The following PSMD1 variants were observed in gnomAD, a reference collection of about 807,000 sequenced individuals.
PSMD1 encodes the protein proteasome 26S subunit, non-ATPase 1.
In PSMD1, 18 loss-of-function variants were observed where a neutral mutation model predicts 119.0. That is an observed-to-expected ratio of 0.15 (90% CI 0.10 to 0.22). The LOEUF (loss-of-function observed/expected upper bound fraction) is 0.22, where lower values mean the gene tolerates loss of function less well. Among genes scored for constraint, PSMD1 ranks in the 10% least tolerant of loss-of-function variants. PSMD1 has a pLI of 1.00. For synonymous variants in PSMD1, 374 were observed against 396.6 expected (o/e 0.94, Z 0.68); for missense variants, 702 against 1,158.5 (o/e 0.61, Z 5.72).
At position 231,079,749 on chromosome 2, in the gene PSMD1, G is replaced by C. The variant is rs535478530; in HGVS notation, c.1239+135G>C. On this transcript the variant is annotated intron_variant, in intron 11 of 24. Transcript: ENST00000308696. The stretch of plus-strand genomic sequence containing the variant: ...TCAGATAAGTCATTTTGTGGAGAAG[G>C]CTAAAGTAAATAAGATACTGAAGTA... The C allele has an allele frequency of 1.6e-5, 9 of 561,332 alleles. No individual in the cohort carries two copies. The African/African-American group carries it at 1.7e-4, about 11-fold the overall frequency. The allele number at this position is 561,332 out of a possible 1,614,324, so 34.8% of individuals were successfully genotyped here.
At chr2:231,076,839 G>A (rs1392020228) in intron 8 of PSMD1, among the ~76,000 whole-genome samples, 195 bp from the exon 9 acceptor site, 1 of 152,090 alleles carries the variant, frequency 6.6e-6, no homozygotes, top group African/African-American at 2.4e-5. Flanking sequence ...TCGAAAGCTA[G>A]CTGGGGATGA....
rs149770108 is a variant in PSMD1, at chr2:231,131,851, A to G, written c.1884-6885A>G. On this transcript the variant is annotated intron_variant, in intron 16 of 24. Coordinates refer to ENST00000308696, the MANE Select transcript of PSMD1 (RefSeq NM_002807.4). Reference sequence around the variant, plus strand: ...ATTGAAATAAACATATAAGAATATTATGGTTTTACTGTACTCTTGAAAAGA... The same window carrying G: ...ATTGAAATAAACATATAAGAATATTGTGGTTTTACTGTACTCTTGAAAAGA... Among the ~76,000 whole-genome samples, 604 of 151,648 alleles carry G rather than the reference A, an allele frequency of 4.0e-3. 8 individuals are homozygous for G. The highest frequency in any genetic ancestry group is 0.014 in the African/African-American group (576 of 41,494).
rs537464266 is a variant in PSMD1 at position 231,127,727 on chromosome 2, A to T, written c.1884-11009A>T. 1.2e-4 allele frequency among the ~76,000 whole-genome samples: 19 copies of T among 152,348 alleles called. No individual in the cohort carries two copies. The East Asian group carries it at 3.7e-3, about 29-fold the overall frequency. On this transcript the variant is annotated intron_variant, in intron 16 of 24. Transcript: ENST00000308696. ...ACTTCTGTGTACTTAAGAAAAGGCT[A>T]GATCATGTTCATTCAGCAAATAAAT...
intron 17 of PSMD1, among the ~76,000 whole-genome samples, chr2:231,145,894 CAAAAAAAAAAAAA>C (rs36124651): frequency 7.1e-4 from 33 of 46,542 alleles, no homozygotes; most frequent in South Asian, 1.2e-3. Context: ...AGCTACATCT[CAAAAAAAAAAAAA>C]AAAAAAAAAA....
intron 12 of PSMD1, among the ~76,000 whole-genome samples, chr2:231,080,542 C>T (rs1330263942): frequency 1.3e-5 from 2 of 151,910 alleles, no homozygotes; most frequent in African/African-American, 4.8e-5. Flanking sequence ...GTTGTTTTCC[C>T]ACACTTTCAT....
chr2:231,083,510 G>A (rs1173780923), intron 13 of PSMD1, 57 bp from the exon 14 acceptor site: 2 of 1,573,038 alleles, frequency 1.3e-6, no homozygotes, highest in Non-Finnish European at 1.7e-6. Flanking sequence ...TCAGTTGGAT[G>A]TTTTACTGAC....
intron 17 of PSMD1, among the ~76,000 whole-genome samples, chr2:231,140,762 C>G (rs565685463): frequency 2.0e-5 from 3 of 151,670 alleles, no homozygotes; most frequent in African/African-American, 7.3e-5. Context: ...CCTGTAATGC[C>G]AGCTACTCAG....
In PSMD1 at chr2:231,072,314, T is replaced by G; in HGVS notation, c.780T>G (p.Phe260Leu). Residue 260 changes from phenylalanine to leucine, a missense_variant, in exon 7 of 25, where the codon TTT becomes TTG. Coordinates refer to ENST00000308696, the MANE Select transcript of PSMD1 (RefSeq NM_002807.4). The stretch of plus-strand genomic sequence containing the variant: ...TGTATGAAAGTGCTAGCCAGCAGTT[T>G]TTGTCATCTGTAATCCAGAATCTTC... ...FDLYESASQQ[F>L]LSSVIQNLRT... 6.2e-7 allele frequency: 1 copy of G among 1,614,070 alleles called. No homozygotes were observed. Among genetic ancestry groups the G allele is most frequent in the South Asian group, 1.1e-5 (1 of 91,080 alleles).
intron 20 of PSMD1, chr2:231,163,399 G>A (rs575702877): frequency 4.7e-6 from 2 of 423,306 alleles, no homozygotes; most frequent in East Asian, 7.3e-5. Context: ...TGTTCATAAA[G>A]ATAAAGGGAT....
At chr2:231,161,667 G>A (rs1268137040) in intron 20 of PSMD1, among the ~76,000 whole-genome samples, 158 bp downstream of exon 20, 2 of 152,162 alleles carry the variant, frequency 1.3e-5, no homozygotes. Flanking sequence ...TTTTTGAATG[G>A]AGTGTGTCAT....
chr2:231,172,458 T>C (rs969637981), intron 24 of PSMD1, 77 bp from the exon 25 acceptor site: 1 of 152,138 alleles, frequency 6.6e-6, no homozygotes, highest in Admixed American at 6.5e-5. Context: ...CAACAGTTAA[T>C]AGTAAAGAGG....
intron 16 of PSMD1, among the ~76,000 whole-genome samples, chr2:231,122,054 A>G (rs141302187): frequency 3.4e-3 from 516 of 152,272 alleles, no homozygotes; most frequent in Non-Finnish European, 5.4e-3. Context: ...GTTCTCTATT[A>G]TAGTAAGATT....
At chr2:231,108,801 G>T (rs77982984) in intron 16 of PSMD1, 6 of 1,614,104 alleles carry the variant, frequency 3.7e-6, no homozygotes, top group East Asian at 2.2e-5. Context: ...AATGCATCCC[G>T]AAATGTCTTA....
chr2:231,110,615 A>G (rs1695126038), intron 16 of PSMD1, among the ~76,000 whole-genome samples: 1 of 152,224 alleles, frequency 6.6e-6, no homozygotes, highest in Non-Finnish European at 1.5e-5. Context: ...TGACAAGAAT[A>G]TGTTCCTCAA....
At chr2:231,113,021 C>T (rs1695207821) in intron 16 of PSMD1, among the ~76,000 whole-genome samples, 1 of 151,908 alleles carries the variant, frequency 6.6e-6, no homozygotes, top group Non-Finnish European at 1.5e-5. Context: ...AAAAATTAGC[C>T]AGGCATGGGG....
chr2:231,118,841 A>G (rs1007228982), intron 16 of PSMD1, among the ~76,000 whole-genome samples: 5 of 152,316 alleles, frequency 3.3e-5, no homozygotes, highest in Middle Eastern at 3.4e-3. Flanking sequence ...GGCTGTTCCT[A>G]TAGTTTACAG....
At position 231,170,763 on chromosome 2, in the gene PSMD1, A is replaced by G. The variant is rs374027983; in HGVS notation, c.*9+42A>G. The G allele has an allele frequency of 1.3e-5, 20 of 1,505,982 alleles. No homozygotes were observed. In the African/African-American group the frequency reaches 1.7e-4, roughly 13 times the overall value. The allele number at this position is 1,505,982 out of a possible 1,614,324, so 93.3% of individuals were successfully genotyped here. A position where few individuals can be genotyped will look rare whatever the true frequency, so the allele number is the denominator to read the frequency against. ...ATTATGAAGGGAAACTTCTTTGTCA[A>G]TACTTCACAAATGTTTTTTGCAAGG... is the stretch of plus-strand genomic sequence containing the variant. On this transcript the variant is annotated intron_variant, in intron 24 of 24. Transcript: ENST00000308696. The surrounding 1 kb of genome is among the most constrained non-coding windows in gnomAD (Gnocchi z 4.1).
chr2:231,168,025 CA>C (rs1696828217), intron 23 of PSMD1, among the ~76,000 whole-genome samples: 1 of 152,118 alleles, frequency 6.6e-6, no homozygotes, highest in South Asian at 2.1e-4. Flanking sequence ...GGCTGTAGTG[CA>C]ATATGATTGT....
chr2:231,065,712 C>G (rs1693895138), intron 4 of PSMD1, among the ~76,000 whole-genome samples: 1 of 152,140 alleles, frequency 6.6e-6, no homozygotes, highest in South Asian at 2.1e-4. Flanking sequence ...AAATTGCAAA[C>G]AAATGTTTCT....
Sources: gnomAD v4.1 joint callset for allele counts (sites outside exome capture counted in the v4.1 genomes callset) on GRCh38, gnomAD v4.1.1 for gene constraint, Gnocchi (gnomAD v3.1) non-coding constraint, MANE v1.5 for transcripts, NCBI Gene and HGNC (gene_info 2026-07-23, HGNC 2026-07-21) for gene names.